AHRR: variants seen among roughly 807,000 people sequenced by gnomAD.
The protein encoded by AHRR is aryl hydrocarbon receptor repressor.
A neutral mutation model predicts 44.0 loss-of-function variants in AHRR; 28 were observed. The observed-to-expected ratio is 0.64, with a 90% confidence interval of 0.47 to 0.87. AHRR has a LOEUF of 0.87. Among genes scored for constraint, AHRR ranks in the 40% least tolerant of loss-of-function variants. AHRR has a pLI of 0.00. For synonymous variants in AHRR, 434 were observed against 407.0 expected, an observed-to-expected ratio of 1.07 and a Z score of -0.80; for missense variants, 990 against 953.9, an observed-to-expected ratio of 1.04 and a Z score of -0.50.
intron 1 of AHRR, among the ~76,000 whole-genome samples, chr5:341,016 T>C (rs1239892748): frequency 1.3e-5 from 2 of 149,988 alleles, no homozygotes; most frequent in Non-Finnish European, 3.0e-5. Context: ...TTTCTTTTTC[T>C]TTTCTTTTCT....
intron 1 of AHRR, among the ~76,000 whole-genome samples, chr5:343,358 G>A (rs1019711994): frequency 8.1e-5 from 11 of 135,670 alleles, no homozygotes; most frequent in African/African-American, 1.4e-4. Flanking sequence ...GTACCTTCTC[G>A]GGGTGATGGG....
chr5:323,662 C>G, intron 1 of AHRR, among the ~76,000 whole-genome samples: 1 of 152,292 alleles, frequency 6.6e-6, no homozygotes, highest in Admixed American at 6.5e-5. Flanking sequence ...CTCGTTCACC[C>G]GTGCTGGGTG....
intron 1 of AHRR, among the ~76,000 whole-genome samples, chr5:328,474 C>A (rs1317301580): frequency 6.6e-6 from 1 of 151,928 alleles, no homozygotes; most frequent in African/African-American, 2.4e-5. Flanking sequence ...TGGTCTCCAA[C>A]CCCTGACCTC....
At chr5:397,466 A>G (rs1398416619) in intron 4 of AHRR, among the ~76,000 whole-genome samples, 6 of 77,268 alleles carry the variant, frequency 7.8e-5, no homozygotes, top group Admixed American at 1.3e-4. Flanking sequence ...GCCCCTGACC[A>G]TCCACATAGC....
intron 4 of AHRR, among the ~76,000 whole-genome samples, chr5:385,767 C>A (rs1245396274): frequency 6.6e-6 from 1 of 152,184 alleles, no homozygotes; most frequent in Non-Finnish European, 1.5e-5. Context: ...TGAACCTGTT[C>A]ATTTATTTCA....
intron 4 of AHRR, among the ~76,000 whole-genome samples, chr5:382,752 C>T (rs1232760258): frequency 1.6e-5 from 2 of 129,024 alleles, no homozygotes; most frequent in Non-Finnish European, 3.3e-5. Flanking sequence ...TGTCTATTTT[C>T]CATTTCATTA....
intron 4 of AHRR, among the ~76,000 whole-genome samples, chr5:407,955 C>T (rs897933742): frequency 6.6e-6 from 1 of 152,154 alleles, no homozygotes; most frequent in Non-Finnish European, 1.5e-5. Context: ...TTTTTCATAC[C>T]GAATTGCATC....
chr5:322,796 G>C (rs1286989470), intron 1 of AHRR: 1 of 152,272 alleles, frequency 6.6e-6, no homozygotes, highest in East Asian at 1.9e-4. Context: ...CGAGTAACAA[G>C]AACTGGAGAA....
At chr5:429,713 A>G (rs943124759) in intron 8 of AHRR, among the ~76,000 whole-genome samples, 1 of 152,242 alleles carries the variant, frequency 6.6e-6, no homozygotes, top group African/African-American at 2.4e-5. Flanking sequence ...CTGAGTGGGA[A>G]AGGAATCTTA....
chr5:413,292 C>A, intron 4 of AHRR, 52 bp from the exon 5 acceptor site: 2 of 1,340,662 alleles, frequency 1.5e-6, no homozygotes, highest in Non-Finnish European at 1.0e-6. Flanking sequence ...TGCACTTTTT[C>A]ATTTTGGGTG....
At chr5:396,009 C>T (rs1734686299) in intron 4 of AHRR, among the ~76,000 whole-genome samples, 1 of 152,182 alleles carries the variant, frequency 6.6e-6, no homozygotes, top group Non-Finnish European at 1.5e-5. Flanking sequence ...GATGGTAACA[C>T]AGGACCACAA....
rs182569765 is a variant in AHRR, at chr5:423,509, G to A, written c.572-332G>A. ...TCCGCAGAAGCCTGAAATAATTCAC[G>A]GAAAGTTTCCACCATGACAGTATGA... On this transcript the variant is annotated intron_variant, in intron 6 of 10. Transcript: ENST00000684583. Among the ~76,000 whole-genome samples the A allele has an allele frequency of 1.3e-3, 194 of 152,236 alleles. 12 individuals are homozygous for A. In the East Asian group the frequency reaches 0.019, roughly 15 times the overall value.
At chr5:363,077 T>A (rs1425416731) in intron 3 of AHRR, among the ~76,000 whole-genome samples, 2 of 152,228 alleles carry the variant, frequency 1.3e-5, no homozygotes, top group African/African-American at 4.8e-5. Context: ...ACTCTACATG[T>A]CTTCCGCATG....
Position 388,860 on chromosome 5 carries a change from G to A in AHRR, c.351+12144G>A, listed in dbSNP as rs1734281105. ...GACAGTGTGGCTGGGCCAGATGCCT[G>A]AGGACACAATGCTCATGACAAAAGC... is the stretch of plus-strand genomic sequence containing the variant. On this transcript the variant is annotated intron_variant, in intron 4 of 10. Transcript: ENST00000684583. The surrounding 1 kb of genome is among the most constrained non-coding windows in gnomAD (Gnocchi z 5.2). Among the ~76,000 whole-genome samples the A allele has an allele frequency of 6.6e-6, 1 of 152,204 alleles. No homozygotes were observed.
At position 324,021 on chromosome 5, in the gene AHRR, T is replaced by C. The variant is rs562655820; in HGVS notation, c.-11+2202T>C. On this transcript the variant is annotated intron_variant, in intron 1 of 10. Coordinates refer to ENST00000684583, the MANE Select transcript of AHRR (RefSeq NM_001377236.1). ...TCTTTTTTTCTCTTTCTTTCTTTCT[T>C]TCTCTCTCTCTCTCTGTCTCTCTTT... is the stretch of plus-strand genomic sequence containing the variant. Among the ~76,000 whole-genome samples the C allele has an allele frequency of 1.4e-4, 18 of 132,480 alleles. No homozygotes were observed. The South Asian group carries it at 3.3e-3, about 25-fold the overall frequency. The allele number at this position is 132,480 out of a possible 152,430, so 86.9% of individuals were successfully genotyped here.
chr5:398,807 G>A (rs1460437226), intron 4 of AHRR, among the ~76,000 whole-genome samples: 1 of 152,188 alleles, frequency 6.6e-6, no homozygotes, highest in South Asian at 2.1e-4. Context: ...GGCTCCGGAG[G>A]CCGTGAGTGG....
chr5:421,163 C>T (rs1022207024), intron 5 of AHRR: 10 of 581,306 alleles, frequency 1.7e-5, no homozygotes, highest in Middle Eastern at 8.9e-4. Flanking sequence ...CCTGGGAGGC[C>T]GCTCTGGCGC....
chr5:422,945 C>T (rs1736202561), intron 6 of AHRR, 87 bp downstream of exon 6: 1 of 1,476,126 alleles, frequency 6.8e-7, no homozygotes, highest in Non-Finnish European at 9.0e-7. Context: ...CCTGTCGCAC[C>T]TTCTTGGTGT....
Position 386,768 on chromosome 5 carries a change from C to T in AHRR, c.351+10052C>T, listed in dbSNP as rs73734243. Among the ~76,000 whole-genome samples, 591 of 152,170 alleles carry T rather than the reference C, an allele frequency of 3.9e-3. 2 individuals carry two copies. Among genetic ancestry groups the T allele is most frequent in the African/African-American group, 0.014 (562 of 41,514 alleles). The stretch of plus-strand genomic sequence containing the variant: ...CAGGGAGCTAACCCAGACGTCATCC[C>T]GGACACTTTTCACCTGTGCCCTGAG... On this transcript the variant is annotated intron_variant, in intron 4 of 10. Transcript: ENST00000684583.
Sources: gnomAD v4.1 joint callset for allele counts (sites outside exome capture counted in the v4.1 genomes callset) on GRCh38, gnomAD v4.1.1 for gene constraint, Gnocchi (gnomAD v3.1) non-coding constraint, MANE v1.5 for transcripts, NCBI Gene and HGNC (gene_info 2026-07-23, HGNC 2026-07-21) for gene names.